The following CDH2 variants were observed in gnomAD, a reference collection of about 807,000 sequenced individuals.
CDH2 encodes cadherin-2.
In CDH2, 17 loss-of-function variants were observed where a neutral mutation model predicts 92.0. The ratio of observed to expected loss-of-function variants is 0.18; its 90% CI spans 0.13 to 0.28. The LOEUF is 0.28. Ranked by LOEUF, CDH2 falls within the 10% of genes least tolerant of loss-of-function variation. CDH2 has a pLI of 1.00. For synonymous variants in CDH2, 419 were observed against 415.9 expected (o/e 1.01, Z -0.09); for missense variants, 862 against 1,133.1 (o/e 0.76, Z 3.44).
chr18:28,087,497 A>G (rs2014955349), intron 2 of CDH2, among the ~76,000 whole-genome samples: 1 of 152,132 alleles, frequency 6.6e-6, no homozygotes, highest in Admixed American at 6.6e-5. Flanking sequence ...CTCCACTGGC[A>G]TCGTGCCGTC....
intron 2 of CDH2, among the ~76,000 whole-genome samples, chr18:28,094,831 C>T (rs975155991): frequency 1.3e-5 from 2 of 148,644 alleles, no homozygotes; most frequent in Admixed American, 6.7e-5. Flanking sequence ...GCTATAGTTC[C>T]TCCCCACTCT....
chr18:27,985,761 C>T lies in CDH2; in HGVS notation c.1742G>A (p.Gly581Glu). The change falls in exon 12 of 16, where the codon GGA becomes GAA. Residue 581 changes from glycine (G) to glutamate (E), a missense_variant and splice_region_variant. This residue lies in a region of CDH2 where 564 missense variants were observed against 722.2 expected (regional missense o/e 0.78). Transcript: ENST00000269141. Reference protein sequence around the residue: ...YNATFLASDNGIPPMSGTGTL... With the variant: ...YNATFLASDNEIPPMSGTGTL... Reference sequence around the variant, plus strand: ...TCCTGTTCCACTCATAGGAGGAATTCCTGAAAAGAGAGAAAAATCACAAAT... The same window carrying T: ...TCCTGTTCCACTCATAGGAGGAATTTCTGAAAAGAGAGAAAAATCACAAAT... 1 of 1,565,064 alleles carries T rather than the reference C, an allele frequency of 6.4e-7. No individual in the cohort carries two copies. Among genetic ancestry groups the T allele is most frequent in the Non-Finnish European group, 8.8e-7 (1 of 1,140,660 alleles).
chr18:28,144,562 A>G (rs2016005618), intron 2 of CDH2, among the ~76,000 whole-genome samples: 1 of 152,028 alleles, frequency 6.6e-6, no homozygotes, highest in Non-Finnish European at 1.5e-5. Context: ...TTCCCCCAAA[A>G]AAATCCCTAA....
chr18:28,127,175 T>C (rs911338677), intron 2 of CDH2, among the ~76,000 whole-genome samples: 1 of 152,232 alleles, frequency 6.6e-6, no homozygotes, highest in African/African-American at 2.4e-5. Flanking sequence ...GAGTATTGTG[T>C]TATTTATGAA....
At chr18:28,063,647 T>C (rs2014448402) in intron 2 of CDH2, among the ~76,000 whole-genome samples, 1 of 152,196 alleles carries the variant, frequency 6.6e-6, no homozygotes, top group African/African-American at 2.4e-5. Context: ...GGCCCATAGC[T>C]TCAGGAAGCC....
At chr18:28,007,581 T>C (rs2012976017) in intron 5 of CDH2, among the ~76,000 whole-genome samples, 1 of 152,342 alleles carries the variant, frequency 6.6e-6, no homozygotes, top group East Asian at 1.9e-4. Flanking sequence ...AATTCTTTTT[T>C]TTCCCTTGGC....
chr18:28,056,460 C>A (rs576417126), intron 2 of CDH2, among the ~76,000 whole-genome samples: 1 of 152,060 alleles, frequency 6.6e-6, no homozygotes, highest in Non-Finnish European at 1.5e-5. Flanking sequence ...TGAATCCTTG[C>A]GCTTCATTTT....
At chr18:28,067,267 T>C (rs2014526723) in intron 2 of CDH2, among the ~76,000 whole-genome samples, 1 of 152,152 alleles carries the variant, frequency 6.6e-6, no homozygotes, top group African/African-American at 2.4e-5. Flanking sequence ...TCAATGGCTT[T>C]TAGTATATTC....
chr18:27,951,676 A>G lies in CDH2; in HGVS notation c.*477T>C, dbSNP rs200307204. 6.6e-5 allele frequency: 10 copies of G among 152,580 alleles called. No homozygotes were observed. Among genetic ancestry groups the G allele is most frequent in the African/African-American group, 2.2e-4 (9 of 41,378 alleles). The allele number at this position is 152,580 out of a possible 1,614,324, so 9.5% of individuals were successfully genotyped here. ...AACTAGAAGTAATGTACATTTTCCA[A>G]TCTCATGGTCTCATCCCCCAAGATA... On this transcript the variant is annotated 3_prime_UTR_variant, in exon 16 of 16. Coordinates refer to ENST00000269141, the MANE Select transcript of CDH2 (RefSeq NM_001792.5).
intron 6 of CDH2, among the ~76,000 whole-genome samples, chr18:27,939,034 G>T (rs1309198044): frequency 6.6e-6 from 1 of 152,160 alleles, no homozygotes; most frequent in Non-Finnish European, 1.5e-5. Context: ...ATGTTTGTGG[G>T]CCTTCTGGAT....
chr18:28,098,232 G>A (rs1328203472), intron 2 of CDH2, among the ~76,000 whole-genome samples: 1 of 151,894 alleles, frequency 6.6e-6, no homozygotes, highest in Non-Finnish European at 1.5e-5. Flanking sequence ...CTAGTGATCA[G>A]GAAAAATAAC....
At chr18:28,154,347 C>T (rs997484072) in intron 1 of CDH2, among the ~76,000 whole-genome samples, 1 of 152,230 alleles carries the variant, frequency 6.6e-6, no homozygotes, top group African/African-American at 2.4e-5. Flanking sequence ...GGCCCACCAG[C>T]GTGAAATTCA....
intron 1 of CDH2, among the ~76,000 whole-genome samples, chr18:28,167,034 A>G (rs1438571008): frequency 1.3e-5 from 2 of 152,144 alleles, no homozygotes; most frequent in African/African-American, 2.4e-5. Context: ...TCCAAAATTA[A>G]AAACAAAAAA....
At chr18:27,932,890 A>T (rs1039201511) in exon 7 of CDH2, among the ~76,000 whole-genome samples, 1 of 152,166 alleles carries the variant, frequency 6.6e-6, no homozygotes, top group East Asian at 1.9e-4. Flanking sequence ...ATATTCATGC[A>T]TTTTTTATTT....
At chr18:28,025,247 G>A (rs1264003542) in intron 2 of CDH2, among the ~76,000 whole-genome samples, 1 of 152,186 alleles carries the variant, frequency 6.6e-6, no homozygotes, top group Admixed American at 6.5e-5. Flanking sequence ...GCTGGGCGCA[G>A]TGGCTCACGC....
downstream of CDH2, among the ~76,000 whole-genome samples, chr18:27,949,984 G>A (rs922898475): frequency 4.6e-5 from 7 of 151,984 alleles, no homozygotes; most frequent in African/African-American, 1.7e-4. Context: ...TATGATGTGT[G>A]AATCTGAAAA....
chr18:27,951,256 T>A lies in CDH2; in HGVS notation c.*897A>T, dbSNP rs201500513. The A allele has an allele frequency of 6.6e-6, 1 of 150,988 alleles. No individual in the cohort carries two copies. The highest frequency in any genetic ancestry group is 2.4e-5 in the African/African-American group (1 of 40,964). 9.4% of individuals were successfully genotyped at this position (150,988 alleles called of 1,614,324 possible). On this transcript the variant is annotated 3_prime_UTR_variant, in exon 16 of 16. Transcript: ENST00000269141. ...AAAAGAAAATAAAAAATAAAAAAAT[T>A]AAAAAAATTAAAAATTGAGTATTCT...
At chr18:28,029,673 T>C (rs758885696) in intron 2 of CDH2, among the ~76,000 whole-genome samples, 1 of 152,136 alleles carries the variant, frequency 6.6e-6, no homozygotes, top group Non-Finnish European at 1.5e-5. Flanking sequence ...ACAGGATTAA[T>C]TGCCATACAC....
At chr18:28,008,142 G>C (rs1275373770) in intron 5 of CDH2, among the ~76,000 whole-genome samples, 1 of 152,080 alleles carries the variant, frequency 6.6e-6, no homozygotes, top group Admixed American at 6.5e-5. Context: ...TTCAGAAAGC[G>C]AGAATTCCTA....
Sources: allele counts gnomAD v4.1 joint callset (sites outside exome capture counted in the v4.1 genomes callset), GRCh38; gene constraint gnomAD v4.1.1; regional missense constraint gnomAD v4.1.1; transcripts MANE v1.5; gene names NCBI Gene and HGNC (gene_info 2026-07-23, HGNC 2026-07-21).